The following EHD4 variants were observed in gnomAD, a reference collection of about 807,000 sequenced individuals.
EHD4 encodes the protein EH domain containing 4, also known as EH domain-containing protein 4.
EHD4 carries 37 observed loss-of-function variants against 51.0 expected under a neutral mutation model. That is an observed-to-expected ratio of 0.73 (90% CI 0.56 to 0.95). The LOEUF (loss-of-function observed/expected upper bound fraction) is 0.95, where lower values mean the gene tolerates loss of function less well. Among genes scored for constraint, EHD4 ranks in the 40% least tolerant of loss-of-function variants. EHD4 has a pLI of 0.00. For synonymous variants in EHD4, 297 were observed against 317.3 expected, an observed-to-expected ratio of 0.94 and a Z score of 0.68; for missense variants, 632 against 733.1, an observed-to-expected ratio of 0.86 and a Z score of 1.59.
Position 41,901,161 on chromosome 15 carries a change from G to C in EHD4, c.1110C>G (p.Asp370Glu), listed in dbSNP as rs1350947335. ...KAMQEQLENY[D>E]FTKFHSLKPK... ...GCTTCAGCGAGTGGAATTTGGTGAAGTCATAGTTCTCAAGCTGTTCCTGCA... is the reference window on the plus strand; with the variant it reads ...GCTTCAGCGAGTGGAATTTGGTGAACTCATAGTTCTCAAGCTGTTCCTGCA... The change falls in exon 6 of 6, where the codon GAC becomes GAG. Residue 370 changes from aspartate (D) to glutamate (E), a missense_variant. Physicochemically the swap from Asp to Glu is conservative, Grantham distance 45. Coordinates refer to ENST00000220325, the MANE Select transcript of EHD4 (RefSeq NM_139265.4). 1 of 1,562,188 alleles carries C rather than the reference G, an allele frequency of 6.4e-7. No homozygotes were observed. Among genetic ancestry groups the C allele is most frequent in the African/African-American group, 1.4e-5 (1 of 73,320 alleles).
chr15:41,920,627 T>C (rs2067618539), intron 3 of EHD4, among the ~76,000 whole-genome samples: 2 of 152,272 alleles, frequency 1.3e-5, no homozygotes, highest in South Asian at 2.1e-4. Flanking sequence ...CTGATGTACC[T>C]ACCACATAAT....
chr15:41,943,124 TG>T lies in EHD4; in HGVS notation c.453del (p.Ser151ArgfsTer71). The T allele has an allele frequency of 6.3e-7, 1 of 1,594,736 alleles. No homozygotes were observed. The highest frequency in any genetic ancestry group is 8.5e-7 in the Non-Finnish European group (1 of 1,170,658). On this transcript the variant is annotated frameshift_variant, in exon 3 of 6. Coordinates refer to ENST00000220325, the MANE Select transcript of EHD4 (RefSeq NM_139265.4). LOFTEE classifies it high-confidence loss of function. Reference protein sequence around the residue: ...CSQLPNQVLKSISVIDSPGIL... With the variant: ...CSQLPNQVLKXISVIDSPGIL... ...ATGCCGGGGCTGTCGATGACGCTGA[TG>T]CTCTTCAGGACCTGATTGGGGAGCT...
intron 5 of EHD4, 73 bp downstream of exon 5, chr15:41,909,626 C>G: frequency 6.4e-7 from 1 of 1,565,748 alleles, no homozygotes; most frequent in South Asian, 1.1e-5. Flanking sequence ...TCATTTGTCT[C>G]CAGCAAACAG....
At chr15:41,924,167 G>A (rs879174457) in intron 3 of EHD4, among the ~76,000 whole-genome samples, 1 of 152,192 alleles carries the variant, frequency 6.6e-6, no homozygotes, top group Admixed American at 6.5e-5. Flanking sequence ...TCCCTTGCCT[G>A]TGCTGCCTAT....
chr15:41,952,818 T>C (rs964749363), intron 2 of EHD4, among the ~76,000 whole-genome samples: 3 of 151,788 alleles, frequency 2.0e-5, no homozygotes, highest in Non-Finnish European at 4.4e-5. Context: ...GGTGAAACCC[T>C]GTCTGTACTA....
chr15:41,905,599 A>T (rs1268451442), intron 5 of EHD4, among the ~76,000 whole-genome samples: 1 of 152,216 alleles, frequency 6.6e-6, no homozygotes, highest in Non-Finnish European at 1.5e-5. Flanking sequence ...TGGAAGCACA[A>T]CAGTGCTCAT....
intron 1 of EHD4, 124 bp downstream of exon 1, chr15:41,972,135 G>T: frequency 9.6e-7 from 1 of 1,036,978 alleles, no homozygotes; most frequent in Non-Finnish European, 1.2e-6. Flanking sequence ...CGGGCGCCGA[G>T]CTCCGGGAGG....
At chr15:41,924,650 G>A (rs903909949) in intron 3 of EHD4, among the ~76,000 whole-genome samples, 7 of 152,200 alleles carry the variant, frequency 4.6e-5, no homozygotes, top group Non-Finnish European at 7.3e-5. Context: ...ACGGGAGCCC[G>A]GCTGGTGAGT....
intron 3 of EHD4, among the ~76,000 whole-genome samples, chr15:41,938,383 T>A (rs1299071406): frequency 1.3e-5 from 2 of 152,238 alleles, no homozygotes; most frequent in African/African-American, 4.8e-5. Context: ...TCAGTGATTC[T>A]GAAGTTTCTG....
At chr15:41,954,189 C>T (rs1734211337) in intron 1 of EHD4, among the ~76,000 whole-genome samples, 1 of 152,162 alleles carries the variant, frequency 6.6e-6, no homozygotes. Flanking sequence ...AGGGGAGCCT[C>T]CCTGACCTGC....
At chr15:41,917,522 G>C (rs1023128687) in intron 4 of EHD4, among the ~76,000 whole-genome samples, 3 of 152,172 alleles carry the variant, frequency 2.0e-5, no homozygotes, top group Admixed American at 1.3e-4. Context: ...TTTAAAAATA[G>C]TTTTAAAAAA....
At chr15:41,962,759 C>T (rs1033466665) in intron 1 of EHD4, among the ~76,000 whole-genome samples, 24 of 151,994 alleles carry the variant, frequency 1.6e-4, no homozygotes, top group Non-Finnish European at 2.1e-4. Flanking sequence ...AAGTGAGGAG[C>T]CCCTCTGCCC....
At chr15:41,958,388 C>T (rs149906940) in intron 1 of EHD4, among the ~76,000 whole-genome samples, 27 of 152,206 alleles carry the variant, frequency 1.8e-4, no homozygotes, top group Non-Finnish European at 2.1e-4. Flanking sequence ...TGTCCTGGTC[C>T]GATGAGGTCC....
rs780274344 is a variant in EHD4 at position 41,901,029 on chromosome 15, G to A, written c.1242C>T (p.Gly414=). 30 of 1,611,056 alleles carry A rather than the reference G, an allele frequency of 1.9e-5. No homozygotes were observed. The highest frequency in any genetic ancestry group is 1.5e-4 in the Admixed American group (9 of 59,848). Residue 414 remains glycine, a synonymous_variant, in exon 6 of 6, where the codon GGC becomes GGT. Transcript: ENST00000220325. ...ETSTPTQLVQ[G]GAFDGTTEGP... ...CCTCGGTGGTGCCATCGAAGGCGCC[G>A]CCCTGCACCAGCTGCGTGGGCGTGC...
At chr15:41,970,396 G>T (rs2067988008) in intron 1 of EHD4, among the ~76,000 whole-genome samples, 1 of 152,178 alleles carries the variant, frequency 6.6e-6, no homozygotes, top group Non-Finnish European at 1.5e-5. Flanking sequence ...GCTGAGAGGT[G>T]GCCAATTTGG....
intron 5 of EHD4, among the ~76,000 whole-genome samples, chr15:41,908,886 T>C (rs892620621): frequency 2.1e-4 from 32 of 152,230 alleles, no homozygotes; most frequent in African/African-American, 7.7e-4. Context: ...TTTGCGTTAC[T>C]GGGTGGTGGC....
Position 41,919,480 on chromosome 15 carries a change from A to G in EHD4, c.654T>C (p.Arg218=), listed in dbSNP as rs768382018. The change falls in exon 4 of 6, where the codon CGT becomes CGC. Residue 218 remains arginine, a synonymous_variant. Transcript: ENST00000220325. ...CTTGGTCGGCCTTGTTCAGCACGAC[A>G]CGGATCTTGTCGTCCTGGCCCCGGA... is the stretch of plus-strand genomic sequence containing the variant. ...KAFRGQDDKI[R]VVLNKADQVD... The G allele has an allele frequency of 4.5e-6, 7 of 1,561,668 alleles. No homozygotes were observed. The highest frequency in any genetic ancestry group is 1.4e-5 in the African/African-American group (1 of 73,252).
chr15:41,951,472 ATT>A (rs796478072), intron 2 of EHD4, among the ~76,000 whole-genome samples: 4 of 146,152 alleles, frequency 2.7e-5, no homozygotes, highest in Admixed American at 6.9e-5. Context: ...AGAAAAAAAC[ATT>A]TTTTTTTTTT....
chr15:41,957,685 G>T (rs956977385), intron 1 of EHD4, among the ~76,000 whole-genome samples: 1 of 152,120 alleles, frequency 6.6e-6, no homozygotes. Context: ...GTCCTACACT[G>T]CCCCCAGCTC....
Sources: gnomAD v4.1 joint callset for allele counts (sites outside exome capture counted in the v4.1 genomes callset) on GRCh38, gnomAD v4.1.1 for gene constraint, MANE v1.5 for transcripts, NCBI Gene and HGNC (gene_info 2026-07-23, HGNC 2026-07-21) for gene names.